PTPRM: variants seen among roughly 807,000 people sequenced by gnomAD.
PTPRM encodes the protein receptor-type tyrosine-protein phosphatase mu.
Under a neutral mutation model 186.7 loss-of-function variants are expected in PTPRM, and 47 were observed. The ratio of observed to expected loss-of-function variants is 0.25; its 90% CI spans 0.20 to 0.32. The LOEUF is 0.32. Among genes scored for constraint, PTPRM ranks in the 10% least tolerant of loss-of-function variants. PTPRM has a pLI of 1.00. For missense variants in PTPRM, 1,494 were observed against 1,865.0 expected, an observed-to-expected ratio of 0.80 and a Z score of 3.66; for synonymous variants, 668 against 674.9, an observed-to-expected ratio of 0.99 and a Z score of 0.16.
chr18:7,948,275 A>ATT (rs2052689328), intron 5 of PTPRM, among the ~76,000 whole-genome samples: 1 of 151,856 alleles, frequency 6.6e-6, no homozygotes, highest in East Asian at 1.9e-4. Context: ...GTGTATATAT[A>ATT]TTATATATAG....
At chr18:8,363,476 T>C (rs1318213) in intron 23 of PTPRM, among the ~76,000 whole-genome samples, 71,533 of 151,936 alleles carry the variant, frequency 0.47, 17,074 homozygotes, top group African/African-American at 0.54. Flanking sequence ...CTCTAAGAAA[T>C]GTCCTCTCTG....
intron 1 of PTPRM, among the ~76,000 whole-genome samples, chr18:7,742,636 C>T (rs751668292): frequency 6.6e-5 from 10 of 152,072 alleles, no homozygotes; most frequent in Non-Finnish European, 1.5e-4. Context: ...CTCAGGAATT[C>T]GAGACCAGCT....
intron 7 of PTPRM, among the ~76,000 whole-genome samples, chr18:8,052,475 T>G (rs2087577511): frequency 6.6e-6 from 1 of 152,202 alleles, no homozygotes; most frequent in Non-Finnish European, 1.5e-5. Context: ...AAACATGCTC[T>G]TCAGGTTTGT....
At chr18:7,726,874 T>C (rs1598443413) in intron 1 of PTPRM, among the ~76,000 whole-genome samples, 1 of 152,236 alleles carries the variant, frequency 6.6e-6, no homozygotes, top group African/African-American at 2.4e-5. Context: ...ACTATTGTTA[T>C]ATTCCGTGGA....
intron 4 of PTPRM, among the ~76,000 whole-genome samples, chr18:7,922,372 A>G (rs55830656): frequency 0.035 from 5,272 of 152,180 alleles, 161 homozygotes; most frequent in East Asian, 0.13. Context: ...GTCCTTAGGG[A>G]TATTTCTCCC....
At chr18:8,166,579 C>T (rs1387200285) in intron 14 of PTPRM, among the ~76,000 whole-genome samples, 1 of 152,118 alleles carries the variant, frequency 6.6e-6, no homozygotes, top group Non-Finnish European at 1.5e-5. Flanking sequence ...AAATGTCTTG[C>T]CACTTGTATT....
intron 19 of PTPRM, among the ~76,000 whole-genome samples, chr18:8,261,675 C>T (rs1056534342): frequency 4.6e-5 from 7 of 152,140 alleles, no homozygotes; most frequent in African/African-American, 1.4e-4. Flanking sequence ...TTCGTTTGCC[C>T]TTGCCTCTGA....
chr18:8,289,346 C>T (rs1370811648), intron 19 of PTPRM, among the ~76,000 whole-genome samples: 1 of 149,872 alleles, frequency 6.7e-6, no homozygotes, highest in Non-Finnish European at 1.5e-5. Flanking sequence ...TATTCTAAAG[C>T]TCAGTCAGAC....
chr18:7,893,608 C>T (rs1418871075), intron 3 of PTPRM, among the ~76,000 whole-genome samples: 1 of 152,158 alleles, frequency 6.6e-6, no homozygotes, highest in African/African-American at 2.4e-5. Flanking sequence ...TATAGATCTA[C>T]TGAAAACCCA....
rs370182238 is a variant in PTPRM at position 7,960,734 on chromosome 18, G to A, written c.1132+5320G>A. On this transcript the variant is annotated intron_variant, in intron 7 of 32. Transcript: ENST00000580170. ...AATCACACCACTGCACTCCATCATCGACAGAGTAAAACCCTGTCTCTAATA... is the reference window on the plus strand; with the variant it reads ...AATCACACCACTGCACTCCATCATCAACAGAGTAAAACCCTGTCTCTAATA... 1.4e-4 allele frequency among the ~76,000 whole-genome samples: 22 copies of A among 151,770 alleles called. No homozygotes were observed. The East Asian group carries it at 1.6e-3, about 11-fold the overall frequency.
chr18:8,289,607 CAT>C (rs1207946997), intron 19 of PTPRM, among the ~76,000 whole-genome samples: 2 of 106,138 alleles, frequency 1.9e-5, no homozygotes, highest in Non-Finnish European at 3.8e-5. Context: ...TATATACACA[CAT>C]ATATATATAC....
In PTPRM at chr18:8,235,617, G is replaced by C. The variant is rs992041132; in HGVS notation, c.2301-8441G>C. On this transcript the variant is annotated intron_variant, in intron 14 of 32. Coordinates refer to ENST00000580170, the MANE Select transcript of PTPRM (RefSeq NM_001105244.2). ...TTTTTATTTTCTTCTACCTTCTTTAGATTTAATTTTATCTTCTTATTTTAG... is the reference window on the plus strand; with the variant it reads ...TTTTTATTTTCTTCTACCTTCTTTACATTTAATTTTATCTTCTTATTTTAG... 2.0e-5 allele frequency among the ~76,000 whole-genome samples: 3 copies of C among 150,644 alleles called. No individual in the cohort carries two copies. In the East Asian group the frequency reaches 5.8e-4, roughly 29 times the overall value.
chr18:8,195,102 C>CT (rs1249417777), intron 14 of PTPRM, among the ~76,000 whole-genome samples: 7 of 150,104 alleles, frequency 4.7e-5, no homozygotes, highest in Non-Finnish European at 8.9e-5. Flanking sequence ...GCCAGGAGTA[C>CT]TGGGAAGTAG....
chr18:8,001,552 CCT>C (rs1392158362), intron 7 of PTPRM, among the ~76,000 whole-genome samples: 1 of 151,836 alleles, frequency 6.6e-6, no homozygotes, highest in East Asian at 1.9e-4. Flanking sequence ...TTTATTTGCC[CCT>C]CCACCAGCCT....
At chr18:8,366,810 G>A (rs144861345) in intron 23 of PTPRM, 2 of 152,320 alleles carry the variant, frequency 1.3e-5, no homozygotes, top group South Asian at 4.1e-4. Flanking sequence ...GTAATTAGAC[G>A]ATCTGTTTCT....
At chr18:7,764,829 C>G (rs139468483) in intron 1 of PTPRM, among the ~76,000 whole-genome samples, 141 of 152,304 alleles carry the variant, frequency 9.3e-4, no homozygotes, top group African/African-American at 3.3e-3. Flanking sequence ...GCAGCTGTTT[C>G]ATCATTTTGT....
intron 1 of PTPRM, among the ~76,000 whole-genome samples, chr18:7,730,737 G>A (rs1303549210): frequency 1.3e-5 from 2 of 152,172 alleles, no homozygotes; most frequent in African/African-American, 4.8e-5. Context: ...CTTCACTGAG[G>A]AGAGGGGTGA....
intron 14 of PTPRM, among the ~76,000 whole-genome samples, chr18:8,202,525 T>A (rs1024116518): frequency 6.6e-6 from 1 of 152,094 alleles, no homozygotes; most frequent in Non-Finnish European, 1.5e-5. Context: ...GGGAGAAAGA[T>A]TAAGATGTTT....
chr18:7,653,936 A>G (rs934045926), intron 1 of PTPRM, among the ~76,000 whole-genome samples: 2 of 152,142 alleles, frequency 1.3e-5, no homozygotes, highest in African/African-American at 2.4e-5. Flanking sequence ...TCCCACCACC[A>G]GTGTATAAGT....
Sources: allele counts gnomAD v4.1 joint callset (sites outside exome capture counted in the v4.1 genomes callset), GRCh38; gene constraint gnomAD v4.1.1; transcripts MANE v1.5; gene names NCBI Gene and HGNC (gene_info 2026-07-23, HGNC 2026-07-21).